Variants in SCRN3 observed in about 807,000 individuals in gnomAD.
SCRN3 encodes the protein secernin 3.
A neutral mutation model predicts 43.1 loss-of-function variants in SCRN3; 39 were observed. The ratio of observed to expected loss-of-function variants is 0.91; its 90% CI spans 0.70 to 1.18. SCRN3 has a LOEUF of 1.18. Among genes scored for constraint, SCRN3 ranks in the 50% most tolerant of loss-of-function variants. The pLI is 0.00. For synonymous variants in SCRN3, 147 were observed against 163.1 expected (o/e 0.90, Z 0.75); for missense variants, 484 against 498.0 (o/e 0.97, Z 0.27).
At chr2:174,415,469 T>C (rs576928528) in intron 5 of SCRN3, among the ~76,000 whole-genome samples, 46 of 152,316 alleles carry the variant, frequency 3.0e-4, no homozygotes, top group Non-Finnish European at 4.4e-4. Context: ...CATGTTGGGT[T>C]ATTACTAACT....
intron 4 of SCRN3, among the ~76,000 whole-genome samples, chr2:174,402,847 A>C (rs1685551839): frequency 6.6e-6 from 1 of 152,170 alleles, no homozygotes; most frequent in Non-Finnish European, 1.5e-5. Context: ...CTGTCATTTC[A>C]GCTGTTTTTA....
rs373988336 is a variant in SCRN3, at chr2:174,401,036, A to G, written c.388A>G (p.Ile130Val). 2 of 1,613,674 alleles carry G rather than the reference A, an allele frequency of 1.2e-6. No homozygotes were observed. The highest frequency in any genetic ancestry group is 2.7e-5 in the African/African-American group (2 of 74,910). ...ADTAEKALNVIVDLLEKYGQG... is the reference protein window; with the variant it reads ...ADTAEKALNVVVDLLEKYGQG... ...TACAGCTGAAAAAGCCCTCAATGTC[A>G]TTGTTGACTTACTAGAAAAATATGG... Residue 130 changes from isoleucine to valine, a missense_variant, in exon 4 of 8, where the codon ATT becomes GTT. By Grantham distance (29) the Ile-to-Val change is conservative. Coordinates refer to ENST00000272732, the MANE Select transcript of SCRN3 (RefSeq NM_024583.5).
At chr2:174,398,463 G>C in intron 2 of SCRN3, 21 bp downstream of exon 2, 1 of 1,572,716 alleles carries the variant, frequency 6.4e-7, no homozygotes, top group Non-Finnish European at 8.6e-7. Context: ...TAAATGTTTT[G>C]TTAGCAATAT....
At chr2:174,404,545 C>T (rs560161744) in intron 5 of SCRN3, among the ~76,000 whole-genome samples, 214 of 144,628 alleles carry the variant, frequency 1.5e-3, no homozygotes, top group South Asian at 2.7e-3. Context: ...CATGCTGGTG[C>T]ACTGCACCCA....
chr2:174,422,890 A>G lies in SCRN3; in HGVS notation c.760A>G (p.Ile254Val), dbSNP rs1686340803. Reference sequence around the variant, plus strand: ...TTTAAAAATTATTTCTCTAGGAAATATAACTTTTGAAACAATGATGGAAAT... The same window carrying G: ...TTTAAAAATTATTTCTCTAGGAAATGTAACTTTTGAAACAATGATGGAAAT... ...YKLLNKHKGN[I>V]TFETMMEILR... The change falls in exon 6 of 8, where the codon ATA (isoleucine) becomes GTA (valine). Residue 254 changes from isoleucine to valine, a missense_variant. Ile to Val is a conservative substitution (Grantham distance 29). Coordinates refer to ENST00000272732, the MANE Select transcript of SCRN3 (RefSeq NM_024583.5). 2.5e-6 allele frequency: 4 copies of G among 1,600,800 alleles called. No homozygotes were observed. Among genetic ancestry groups the G allele is most frequent in the Non-Finnish European group, 2.6e-6 (3 of 1,168,370 alleles).
At chr2:174,423,168 T>C in intron 6 of SCRN3, 121 bp downstream of exon 6, 1 of 693,114 alleles carries the variant, frequency 1.4e-6, no homozygotes, top group South Asian at 3.1e-5. Flanking sequence ...ATTTTTAATA[T>C]ATTTTCTGTT....
At chr2:174,395,952 G>T in intron 1 of SCRN3, 135 bp downstream of exon 1, 1 of 1,401,572 alleles carries the variant, frequency 7.1e-7, no homozygotes, top group Non-Finnish European at 9.3e-7. Flanking sequence ...GCCCAGGGCC[G>T]GGGTGCGGGG....
chr2:174,415,073 G>A (rs186375052), intron 5 of SCRN3, among the ~76,000 whole-genome samples: 2 of 152,134 alleles, frequency 1.3e-5, no homozygotes, highest in African/African-American at 2.4e-5. Flanking sequence ...CCAAGCCACC[G>A]CACCCAGCCC....
Position 174,427,916 on chromosome 2 carries a change from A to T in SCRN3, c.*21A>T, listed in dbSNP as rs1266801705. 1.3e-6 allele frequency: 2 copies of T among 1,487,574 alleles called. No homozygotes were observed. Among genetic ancestry groups the T allele is most frequent in the African/African-American group, 2.7e-5 (2 of 72,782 alleles). The allele number at this position is 1,487,574 out of a possible 1,614,324, so 92.1% of individuals were successfully genotyped here. The stretch of plus-strand genomic sequence containing the variant: ...CTTAGTGATCATATGGTCAGCTAAT[A>T]TTAGTTCTTAGTGATCAGTGGTCAG... On this transcript the variant is annotated 3_prime_UTR_variant, in exon 8 of 8. Transcript: ENST00000272732.
chr2:174,412,347 G>A (rs969498865), intron 5 of SCRN3, among the ~76,000 whole-genome samples: 2 of 147,404 alleles, frequency 1.4e-5, no homozygotes, highest in African/African-American at 2.4e-5. Flanking sequence ...GAAATCTCCT[G>A]GGAATTTTTT....
In SCRN3 at chr2:174,427,865, G is replaced by T. The variant is rs79038555; in HGVS notation, c.1245G>T (p.Gln415His). The change falls in exon 8 of 8, where the codon CAG becomes CAT. Residue 415 changes from glutamine to histidine, a missense_variant. Coordinates refer to ENST00000272732, the MANE Select transcript of SCRN3 (RefSeq NM_024583.5). ...CAAAAGATGAAATTCAAATTTATCA[G>T]TCAAATTTATCAGTCAAAGTTAGTT... ...QCTKDEIQIY[Q>H]SNLSVKVSS 12 of 787,694 alleles carry T rather than the reference G, an allele frequency of 1.5e-5. No homozygotes were observed. Among genetic ancestry groups the T allele is most frequent in the East Asian group, 3.7e-5 (1 of 26,676 alleles). 48.8% of individuals were successfully genotyped at this position (787,694 alleles called of 1,614,324 possible). A position where few individuals can be genotyped will look rare whatever the true frequency, so the allele number is the denominator to read the frequency against.
intron 1 of SCRN3, 127 bp from the exon 2 acceptor site, chr2:174,398,148 A>T: frequency 1.7e-6 from 1 of 582,586 alleles, no homozygotes; most frequent in Non-Finnish European, 2.7e-6. Context: ...AAATAAAAAA[A>T]TCAAAGCTTT....
intron 5 of SCRN3, 100 bp from the exon 6 acceptor site, chr2:174,422,785 G>C (rs937741152): frequency 1.5e-5 from 10 of 665,294 alleles, no homozygotes; most frequent in Admixed American, 2.9e-5. Flanking sequence ...TTTATGTCAA[G>C]ACTAATATCT....
chr2:174,409,252 G>A (rs1158226915), intron 5 of SCRN3, among the ~76,000 whole-genome samples: 1 of 133,968 alleles, frequency 7.5e-6, no homozygotes, highest in African/African-American at 2.6e-5. Flanking sequence ...TGATCGCGTC[G>A]GCTCCTGAGG....
chr2:174,427,866 T>G lies in SCRN3; in HGVS notation c.1246T>G (p.Ser416Ala). ...CTKDEIQIYQSNLSVKVSS is the reference protein window; with the variant it reads ...CTKDEIQIYQANLSVKVSS ...AAAAGATGAAATTCAAATTTATCAG[T>G]CAAATTTATCAGTCAAAGTTAGTTC... The change falls in exon 8 of 8, where the codon TCA becomes GCA. Residue 416 changes from serine (S) to alanine (A), a missense_variant. Ser to Ala is a moderately conservative substitution (Grantham distance 99). Transcript: ENST00000272732. 1 of 1,513,172 alleles carries G rather than the reference T, an allele frequency of 6.6e-7. No homozygotes were observed. The highest frequency in any genetic ancestry group is 9.0e-7 in the Non-Finnish European group (1 of 1,114,170). The allele number at this position is 1,513,172 out of a possible 1,614,324, so 93.7% of individuals were successfully genotyped here.
At chr2:174,408,758 C>A (rs1490073433) in intron 5 of SCRN3, among the ~76,000 whole-genome samples, 4 of 142,544 alleles carry the variant, frequency 2.8e-5, no homozygotes, top group South Asian at 2.4e-4. Flanking sequence ...GTTGAAAATT[C>A]TTTTGTTTAA....
chr2:174,404,193 G>C lies in SCRN3; in HGVS notation c.632G>C (p.Gly211Ala). 6.2e-7 allele frequency: 1 copy of C among 1,613,870 alleles called. No homozygotes were observed. The highest frequency in any genetic ancestry group is 8.5e-7 in the Non-Finnish European group (1 of 1,179,860). ...ATGAGAAACTATGCTAAGCGGAAAGGTTGGTGGGATGGTAAAAAGGAGTTT... is the reference window on the plus strand; with the variant it reads ...ATGAGAAACTATGCTAAGCGGAAAGCTTGGTGGGATGGTAAAAAGGAGTTT... ...PDMRNYAKRK[G>A]WWDGKKEFDF... is the part of the protein sequence containing the mutation. The change falls in exon 5 of 8, where the codon GGT (glycine) becomes GCT (alanine). Residue 211 changes from glycine (G) to alanine (A), a missense_variant. By Grantham distance (60) the Gly-to-Ala change is moderately conservative (BLOSUM62 0). Coordinates refer to ENST00000272732, the MANE Select transcript of SCRN3 (RefSeq NM_024583.5).
intron 6 of SCRN3, among the ~76,000 whole-genome samples, chr2:174,423,825 ACCCAGGCT>A (rs1686386905): frequency 3.3e-5 from 4 of 120,976 alleles, no homozygotes; most frequent in Admixed American, 2.2e-4. Context: ...TTGCTCTGTC[ACCCAGGCT>A]AGAATGGAGT....
rs755376826 is a variant in SCRN3, at chr2:174,401,232, T to C, written c.541+43T>C. ...TGATTTAACTTGTTTTTGCAATTAATAAAATACACCCTTACCTATAGATAT... is the reference window on the plus strand; with the variant it reads ...TGATTTAACTTGTTTTTGCAATTAACAAAATACACCCTTACCTATAGATAT... On this transcript the variant is annotated intron_variant, in intron 4 of 7. Coordinates refer to ENST00000272732, the MANE Select transcript of SCRN3 (RefSeq NM_024583.5). 16 of 1,430,482 alleles carry C rather than the reference T, an allele frequency of 1.1e-5. No homozygotes were observed. The South Asian group carries it at 1.7e-4, about 15-fold the overall frequency. The allele number at this position is 1,430,482 out of a possible 1,614,324, so 88.6% of individuals were successfully genotyped here. A position where few individuals can be genotyped will look rare whatever the true frequency, so the allele number is the denominator to read the frequency against.
Sources: allele counts gnomAD v4.1 joint callset (sites outside exome capture counted in the v4.1 genomes callset), GRCh38; gene constraint gnomAD v4.1.1; transcripts MANE v1.5; gene names NCBI Gene and HGNC (gene_info 2026-07-23, HGNC 2026-07-21).